The following DCK variants were observed in gnomAD, a reference collection of about 807,000 sequenced individuals.
The protein encoded by DCK is deoxyadenosine kinase.
In DCK, 23 loss-of-function variants were observed where a neutral mutation model predicts 38.3. The observed-to-expected ratio is 0.60, with a 90% confidence interval of 0.43 to 0.85. The LOEUF (loss-of-function observed/expected upper bound fraction) is 0.85. Among genes scored for constraint, DCK ranks in the 40% least tolerant of loss-of-function variants. The probability of loss-of-function intolerance (pLI) is 0.00; values close to 1 mark genes in which losing one functional copy is unlikely to be tolerated. For synonymous variants in DCK, 108 were observed against 100.6 expected, an observed-to-expected ratio of 1.07 and a Z score of -0.44; for missense variants, 259 against 304.4, an observed-to-expected ratio of 0.85 and a Z score of 1.11.
intron 2 of DCK, among the ~76,000 whole-genome samples, chr4:71,016,514 C>T (rs1480839389): frequency 3.3e-5 from 5 of 152,206 alleles, no homozygotes; most frequent in South Asian, 2.1e-4. Flanking sequence ...GGAGGCATCA[C>T]GCTACCTGAC....
rs888424575 is a variant in DCK, at chr4:70,998,248, T to G, written c.207+66T>G. On this transcript the variant is annotated intron_variant, in intron 2 of 6. Transcript: ENST00000286648. ...TAGAGGAGCAGTAGTACTTAATCTCTTTTTCTTTTTCTTTTTCAATAAAAC... is the reference window on the plus strand; with the variant it reads ...TAGAGGAGCAGTAGTACTTAATCTCGTTTTCTTTTTCTTTTTCAATAAAAC... 1.5e-5 allele frequency: 10 copies of G among 674,434 alleles called. No homozygotes were observed. In the Admixed American group the frequency reaches 2.8e-4, roughly 19 times the overall value. 41.8% of individuals were successfully genotyped at this position (674,434 alleles called of 1,614,324 possible).
chr4:71,029,312 T>G, intron 6 of DCK, 40 bp from the exon 7 acceptor site: 1 of 1,425,590 alleles, frequency 7.0e-7, no homozygotes, highest in Non-Finnish European at 9.7e-7. Context: ...CTCAAATTAG[T>G]CAAGGAATTA....
chr4:70,996,397 A>G (rs1739661971), intron 1 of DCK, among the ~76,000 whole-genome samples: 1 of 152,170 alleles, frequency 6.6e-6, no homozygotes, highest in African/African-American at 2.4e-5. Context: ...TGCTAACTCG[A>G]AAACGTTTTG....
In DCK at chr4:71,029,588, A is replaced by T. The variant is rs1740638282; in HGVS notation, c.*210A>T. On this transcript the variant is annotated 3_prime_UTR_variant, in exon 7 of 7. Coordinates refer to ENST00000286648, the MANE Select transcript of DCK (RefSeq NM_000788.3). ...TTTTTTTTAAAAAAGACATTTAAAG[A>T]CAAAGACATTATTTCTCATAGCAGG... 1.9e-6 allele frequency: 1 copy of T among 523,522 alleles called. No homozygotes were observed. Among genetic ancestry groups the T allele is most frequent in the Non-Finnish European group, 3.4e-6 (1 of 295,000 alleles). The allele number at this position is 523,522 out of a possible 1,614,324, so 32.4% of individuals were successfully genotyped here. A position where few individuals can be genotyped will look rare whatever the true frequency, so the allele number is the denominator to read the frequency against.
rs567207141 is a variant in DCK at position 71,030,668 on chromosome 4, ACT to A, written c.*1292_*1293del. 68 of 152,242 alleles carry A rather than the reference ACT, an allele frequency of 4.5e-4. No individual in the cohort carries two copies. Among genetic ancestry groups the A allele is most frequent in the African/African-American group, 1.5e-3 (62 of 41,574 alleles). The allele number at this position is 152,242 out of a possible 1,614,324, so 9.4% of individuals were successfully genotyped here. ...ACCTTATGAACTACAGTGGAGCTAC[ACT>A]CATTGAAATGTAATTTCAGTTCTAA... On this transcript the variant is annotated 3_prime_UTR_variant, in exon 7 of 7. Coordinates refer to ENST00000286648, the MANE Select transcript of DCK (RefSeq NM_000788.3).
At chr4:71,021,086 T>G (rs1578428545) in intron 2 of DCK, among the ~76,000 whole-genome samples, 1 of 85,888 alleles carries the variant, frequency 1.2e-5, no homozygotes, top group African/African-American at 4.3e-5. Flanking sequence ...TTTTTTTTTT[T>G]GAGACGGAGT....
chr4:71,002,803 TTTGC>T (rs1739841731), intron 2 of DCK, among the ~76,000 whole-genome samples: 1 of 152,192 alleles, frequency 6.6e-6, no homozygotes, highest in Non-Finnish European at 1.5e-5. Context: ...TTGCTTTCCA[TTTGC>T]TTGGTAAATC....
intron 2 of DCK, among the ~76,000 whole-genome samples, chr4:71,016,068 AAGCAACTTC>A (rs1465321986): frequency 6.6e-6 from 1 of 152,254 alleles, no homozygotes; most frequent in African/African-American, 2.4e-5. Context: ...TTAAGCTGAT[AAGCAACTTC>A]AGCAAAGTTT....
At chr4:71,026,013 G>T in intron 5 of DCK, 82 bp downstream of exon 5, 1 of 1,403,858 alleles carries the variant, frequency 7.1e-7, no homozygotes, top group South Asian at 1.9e-5. Flanking sequence ...TGGAAGATAT[G>T]ACTAGCAATA....
chr4:71,014,515 G>A (rs1031642383), intron 2 of DCK, among the ~76,000 whole-genome samples: 2 of 152,130 alleles, frequency 1.3e-5, no homozygotes, highest in African/African-American at 4.8e-5. Flanking sequence ...CCACATAGTT[G>A]GAAGTAAAGC....
At chr4:71,000,194 T>A (rs1560679164) in intron 2 of DCK, among the ~76,000 whole-genome samples, 1 of 152,212 alleles carries the variant, frequency 6.6e-6, no homozygotes, top group Non-Finnish European at 1.5e-5. Context: ...GAATTAATTT[T>A]TGTATAAGGT....
At chr4:70,999,223 A>G (rs1191860309) in intron 2 of DCK, among the ~76,000 whole-genome samples, 1 of 151,650 alleles carries the variant, frequency 6.6e-6, no homozygotes, top group Non-Finnish European at 1.5e-5. Context: ...CCCTGTGCCC[A>G]TGTGTTCTCA....
At chr4:71,004,254 G>C (rs2171195) in intron 2 of DCK, among the ~76,000 whole-genome samples, 152,345 of 152,354 alleles carry the variant, frequency 1, 76,168 homozygotes, top group Non-Finnish European at 1. Flanking sequence ...GAGGTCCACT[G>C]CAGATCCTGT....
intron 2 of DCK, among the ~76,000 whole-genome samples, chr4:71,018,827 A>G (rs955137308): frequency 3.3e-5 from 5 of 151,908 alleles, no homozygotes; most frequent in Admixed American, 6.6e-5. Context: ...GCACGCCACC[A>G]TACCTGGCTA....
At chr4:71,018,502 C>T (rs544675554) in intron 2 of DCK, among the ~76,000 whole-genome samples, 48 of 151,864 alleles carry the variant, frequency 3.2e-4, no homozygotes, top group Non-Finnish European at 6.5e-4. Context: ...TTTTTTCCCA[C>T]AAATGTAGCT....
At chr4:71,008,986 T>C (rs1560682407) in intron 2 of DCK, among the ~76,000 whole-genome samples, 1 of 152,076 alleles carries the variant, frequency 6.6e-6, no homozygotes, top group Non-Finnish European at 1.5e-5. Context: ...GAGGGGAAGA[T>C]GAAGAGGAGT....
intron 2 of DCK, among the ~76,000 whole-genome samples, chr4:71,001,909 T>C (rs1042015998): frequency 6.6e-6 from 1 of 152,226 alleles, no homozygotes; most frequent in African/African-American, 2.4e-5. Context: ...TGTTAATCTT[T>C]TCGAAGAACC....
intron 4 of DCK, among the ~76,000 whole-genome samples, chr4:71,025,317 A>AT (rs1439129292): frequency 1.3e-5 from 2 of 152,092 alleles, no homozygotes; most frequent in South Asian, 2.1e-4. Flanking sequence ...TGGCTACCTT[A>AT]TTTGATAATG....
Position 71,022,353 on chromosome 4 carries a change from C to T in DCK, c.208-14C>T, listed in dbSNP as rs768432870. On this transcript the variant is annotated splice_polypyrimidine_tract_variant and intron_variant, in intron 2 of 6. Transcript: ENST00000286648. Reference sequence around the variant, plus strand: ...TAATTTTGCTTTTTATTTCTTTTTGCACATTCAAAATAGGAACTTACAATG... The same window carrying T: ...TAATTTTGCTTTTTATTTCTTTTTGTACATTCAAAATAGGAACTTACAATG... 6 of 1,458,420 alleles carry T rather than the reference C, an allele frequency of 4.1e-6. No homozygotes were observed. In the Admixed American group the frequency reaches 7.5e-5, roughly 18 times the overall value. The allele number at this position is 1,458,420 out of a possible 1,614,324, so 90.3% of individuals were successfully genotyped here.
Sources: gnomAD v4.1 joint callset for allele counts (sites outside exome capture counted in the v4.1 genomes callset) on GRCh38, gnomAD v4.1.1 for gene constraint, MANE v1.5 for transcripts, NCBI Gene and HGNC (gene_info 2026-07-23, HGNC 2026-07-21) for gene names.